The following GREM2 variants were observed in gnomAD, a reference collection of about 807,000 sequenced individuals.
GREM2 encodes gremlin 2, DAN family BMP antagonist.
In GREM2, 11 loss-of-function variants were observed where a neutral mutation model predicts 14.2. The observed-to-expected ratio is 0.78, with a 90% CI of 0.49 to 1.28. The LOEUF (loss-of-function observed/expected upper bound fraction) is 1.28, where lower values mean the gene tolerates loss of function less well. GREM2 is among the 50% of genes most tolerant of loss of function. The pLI, the probability that GREM2 is intolerant of heterozygous loss-of-function variation, is 0.00. For synonymous variants in GREM2, 98 were observed against 97.6 expected, an observed-to-expected ratio of 1.00 and a Z score of -0.02; for missense variants, 210 against 218.5, an observed-to-expected ratio of 0.96 and a Z score of 0.24.
Position 240,547,457 on chromosome 1 carries a change from A to G in GREM2, c.-1-53981T>C, listed in dbSNP as rs1285001762. Among the ~76,000 whole-genome samples the G allele has an allele frequency of 2.7e-5, 4 of 148,080 alleles. No individual in the cohort carries two copies. The Admixed American group carries it at 2.7e-4, about 10-fold the overall frequency. On this transcript the variant is annotated intron_variant, in intron 1 of 1. Coordinates refer to ENST00000318160, the MANE Select transcript of GREM2 (RefSeq NM_022469.4). Reference sequence around the variant, plus strand: ...GGAGGTTGCAGTGAGCCGAAATCACACCGCTGCACTCCAGCCTGGGCGACA... The same window carrying G: ...GGAGGTTGCAGTGAGCCGAAATCACGCCGCTGCACTCCAGCCTGGGCGACA...
intron 1 of GREM2, among the ~76,000 whole-genome samples, chr1:240,565,887 T>A (rs1679169697): frequency 6.6e-6 from 1 of 151,838 alleles, no homozygotes; most frequent in African/African-American, 2.4e-5. Context: ...TATTCAGTTA[T>A]TCCTATTTAT....
Position 240,542,937 on chromosome 1 carries a change from G to C in GREM2, c.-1-49461C>G, listed in dbSNP as rs1678625524. 1.3e-5 allele frequency among the ~76,000 whole-genome samples: 2 copies of C among 152,104 alleles called. No homozygotes were observed. Among genetic ancestry groups the C allele is most frequent in the Non-Finnish European group, 2.9e-5 (2 of 68,028 alleles). ...AAAGAAAGAGCTCTCTCCACTCTTA[G>C]AAGTTCTGTAAGATCCCACCAAAAA... On this transcript the variant is annotated intron_variant, in intron 1 of 1. Coordinates refer to ENST00000318160, the MANE Select transcript of GREM2 (RefSeq NM_022469.4). This position sits in a 1 kb window ranked among gnomAD's most constrained non-coding sequence, Gnocchi z 4.1.
intron 1 of GREM2, among the ~76,000 whole-genome samples, chr1:240,532,007 C>CCT (rs936714891): frequency 4.6e-5 from 7 of 152,146 alleles, no homozygotes; most frequent in African/African-American, 1.7e-4. Flanking sequence ...AGCTCTTTGA[C>CCT]CTAGAACTTA....
chr1:240,502,458 G>T (rs1677591238), intron 1 of GREM2, among the ~76,000 whole-genome samples: 1 of 152,060 alleles, frequency 6.6e-6, no homozygotes, highest in South Asian at 2.1e-4. Flanking sequence ...TGTTCCCCAA[G>T]AATTTTTTCC....
At position 240,509,360 on chromosome 1, in the gene GREM2, ATTT is replaced by A. The variant is rs564246660; in HGVS notation, c.-1-15887_-1-15885del. On this transcript the variant is annotated intron_variant, in intron 1 of 1. Transcript: ENST00000318160. ...GCTTGCCCAGGAGCCAGCTCATTTGATTTTTTTTTTTTTTTTTTTTTTTTTGAG... is the reference window on the plus strand; with the variant it reads ...GCTTGCCCAGGAGCCAGCTCATTTGATTTTTTTTTTTTTTTTTTTTTTGAG... Among the ~76,000 whole-genome samples the A allele has an allele frequency of 3.9e-3, 433 of 112,008 alleles. 2 individuals carry two copies. Among genetic ancestry groups the A allele is most frequent in the Admixed American group, 0.011 (112 of 9,980 alleles). The allele number at this position is 112,008 out of a possible 152,430, so 73.5% of individuals were successfully genotyped here. A position where few individuals can be genotyped will look rare whatever the true frequency, so the allele number is the denominator to read the frequency against.
In GREM2 at chr1:240,491,550, C is replaced by G. The variant is rs1252415313; in HGVS notation, c.*1419G>C. On this transcript the variant is annotated 3_prime_UTR_variant, in exon 2 of 2. Coordinates refer to ENST00000318160, the MANE Select transcript of GREM2 (RefSeq NM_022469.4). ...AAACGTCAACAATTCATTATAAACA[C>G]AAAAGGTGACCTAATGTTTGTTCGT... 1.3e-5 allele frequency: 2 copies of G among 152,592 alleles called. No individual in the cohort carries two copies. Among genetic ancestry groups the G allele is most frequent in the East Asian group, 3.9e-4 (2 of 5,190 alleles). The allele number at this position is 152,592 out of a possible 1,614,324, so 9.5% of individuals were successfully genotyped here. A position where few individuals can be genotyped will look rare whatever the true frequency, so the allele number is the denominator to read the frequency against.
At chr1:240,551,512 C>T (rs1678851631) in intron 1 of GREM2, among the ~76,000 whole-genome samples, 1 of 152,064 alleles carries the variant, frequency 6.6e-6, no homozygotes, top group South Asian at 2.1e-4. Context: ...CCACACTGGG[C>T]TAATTTTTGT....
intron 1 of GREM2, among the ~76,000 whole-genome samples, chr1:240,512,648 G>T (rs1414538634): frequency 1.3e-5 from 2 of 152,100 alleles, no homozygotes; most frequent in African/African-American, 4.8e-5. Context: ...AGAAAAAAAC[G>T]ATAAAAGCAA....
At chr1:240,555,786 T>C (rs903299014) in intron 1 of GREM2, among the ~76,000 whole-genome samples, 1 of 152,214 alleles carries the variant, frequency 6.6e-6, no homozygotes, top group Non-Finnish European at 1.5e-5. Flanking sequence ...TGTTATCCAT[T>C]AGCCACTCAC....
intron 1 of GREM2, among the ~76,000 whole-genome samples, chr1:240,585,662 G>A (rs888446953): frequency 2.0e-5 from 3 of 150,034 alleles, no homozygotes; most frequent in African/African-American, 4.9e-5. Flanking sequence ...CCTGGGAGGC[G>A]GAGGTTTCAG....
At chr1:240,594,759 C>T (rs950294878) in intron 1 of GREM2, among the ~76,000 whole-genome samples, 4 of 151,846 alleles carry the variant, frequency 2.6e-5, no homozygotes, top group African/African-American at 4.8e-5. Context: ...TGTCACTTAA[C>T]GACAGGGGAC....
At chr1:240,510,247 G>A (rs184192144) in intron 1 of GREM2, among the ~76,000 whole-genome samples, 499 of 151,914 alleles carry the variant, frequency 3.3e-3, no homozygotes, top group Non-Finnish European at 4.4e-3. Flanking sequence ...GCGGGCGCCT[G>A]TAGTCCCAGC....
chr1:240,526,132 C>T (rs1470177108), intron 1 of GREM2, among the ~76,000 whole-genome samples: 1 of 152,134 alleles, frequency 6.6e-6, no homozygotes, highest in African/African-American at 2.4e-5. Flanking sequence ...ATCATATCTA[C>T]AAAGTCCCTT....
chr1:240,513,996 A>G (rs1677894727), intron 1 of GREM2, among the ~76,000 whole-genome samples: 1 of 152,146 alleles, frequency 6.6e-6, no homozygotes, highest in Non-Finnish European at 1.5e-5. Flanking sequence ...ATGTAATCCC[A>G]GCACTTTGGG....
intron 1 of GREM2, among the ~76,000 whole-genome samples, chr1:240,602,088 G>C (rs1023279450): frequency 6.6e-6 from 1 of 152,022 alleles, no homozygotes; most frequent in Non-Finnish European, 1.5e-5. Flanking sequence ...GAATATCTTG[G>C]CATCCTTTAA....
rs186812290 is a variant in GREM2 at position 240,556,705 on chromosome 1, G to C, written c.-2+55179C>G. Among the ~76,000 whole-genome samples the C allele has an allele frequency of 3.9e-5, 6 of 152,106 alleles. No individual in the cohort carries two copies. In the East Asian group the frequency reaches 1.2e-3, roughly 29 times the overall value. On this transcript the variant is annotated intron_variant, in intron 1 of 1. Coordinates refer to ENST00000318160, the MANE Select transcript of GREM2 (RefSeq NM_022469.4). ...CATTATTCAGAGAATAAGAAACAGC[G>C]CTTTGAAATTAAAAAATAAAACAGC...
chr1:240,535,057 G>A (rs1229512660), intron 1 of GREM2, among the ~76,000 whole-genome samples: 2 of 152,116 alleles, frequency 1.3e-5, no homozygotes, highest in African/African-American at 2.4e-5. Context: ...TGAACTCCAA[G>A]AGAGGACTCT....
At chr1:240,509,561 T>C (rs1033993193) in intron 1 of GREM2, among the ~76,000 whole-genome samples, 2 of 151,698 alleles carry the variant, frequency 1.3e-5, no homozygotes, top group African/African-American at 4.8e-5. Flanking sequence ...AGAGACGGGG[T>C]TTCTCCATGT....
rs558466507 is a variant in GREM2, at chr1:240,543,738, A to G, written c.-1-50262T>C. Reference sequence around the variant, plus strand: ...CTTACTATATTAAACCTACCTTGACATTGATCTTTTATAGAAATTACTAAG... The same window carrying G: ...CTTACTATATTAAACCTACCTTGACGTTGATCTTTTATAGAAATTACTAAG... On this transcript the variant is annotated intron_variant, in intron 1 of 1. Coordinates refer to ENST00000318160, the MANE Select transcript of GREM2 (RefSeq NM_022469.4). The surrounding 1 kb of genome is among the most constrained non-coding windows in gnomAD (Gnocchi z 6.4). Among the ~76,000 whole-genome samples the G allele has an allele frequency of 2.8e-3, 433 of 152,348 alleles. 1 individual carries two copies. The highest frequency in any genetic ancestry group is 5.0e-3 in the Non-Finnish European group (337 of 68,032).
Sources: gnomAD v4.1 joint callset for allele counts (sites outside exome capture counted in the v4.1 genomes callset) on GRCh38, gnomAD v4.1.1 for gene constraint, Gnocchi (gnomAD v3.1) non-coding constraint, MANE v1.5 for transcripts, NCBI Gene and HGNC (gene_info 2026-07-23, HGNC 2026-07-21) for gene names.